MACROD2: variants seen among roughly 807,000 people sequenced by gnomAD.
MACROD2 encodes mono-ADP ribosylhydrolase 2.
In MACROD2, 36 loss-of-function variants were observed where a neutral mutation model predicts 70.4. The ratio of observed to expected loss-of-function variants is 0.51; its 90% CI spans 0.39 to 0.68. MACROD2 has a LOEUF of 0.68. Ranked by LOEUF, MACROD2 falls within the 30% of genes least tolerant of loss-of-function variation. MACROD2 has a pLI of 0.00. For missense variants in MACROD2, 496 were observed against 538.4 expected (o/e 0.92, Z 0.78); for synonymous variants, 172 against 178.8 (o/e 0.96, Z 0.30).
At chr20:15,983,216 A>G (rs1473070088) in intron 13 of MACROD2, among the ~76,000 whole-genome samples, 5 of 152,244 alleles carry the variant, frequency 3.3e-5, no homozygotes, top group African/African-American at 1.2e-4. Flanking sequence ...TTGATCTGGT[A>G]TTCCTTGTGG....
rs73262848 is a variant in MACROD2, at chr20:14,715,699, A to G, written c.418+30740A>G. On this transcript the variant is annotated intron_variant, in intron 5 of 17. Coordinates refer to ENST00000684519, the MANE Select transcript of MACROD2 (RefSeq NM_001351661.2). ...CTCTGAGCCCTGGGAGAACGAAAAC[A>G]GGCCAGGATTACCAGTTTTTACAGA... Among the ~76,000 whole-genome samples, 810 of 152,260 alleles carry G rather than the reference A, an allele frequency of 5.3e-3. 13 individuals carry two copies. The highest frequency in any genetic ancestry group is 0.019 in the African/African-American group (787 of 41,558).
chr20:14,698,997 C>A lies in MACROD2; in HGVS notation c.418+14038C>A, dbSNP rs6135227. Among the ~76,000 whole-genome samples the A allele has an allele frequency of 2.0e-5, 3 of 151,896 alleles. No homozygotes were observed. The East Asian group carries it at 5.8e-4, about 29-fold the overall frequency. On this transcript the variant is annotated intron_variant, in intron 5 of 17. Transcript: ENST00000684519. ...CATATTTCATATTTAATATACCTACCAAGCAAGTTTTAGGTGTGCTGCACA... is the reference window on the plus strand; with the variant it reads ...CATATTTCATATTTAATATACCTACAAAGCAAGTTTTAGGTGTGCTGCACA...
chr20:15,871,206 C>T (rs1222588356), intron 9 of MACROD2, among the ~76,000 whole-genome samples: 2 of 148,210 alleles, frequency 1.3e-5, no homozygotes, highest in Non-Finnish European at 3.0e-5. Context: ...ATAAAATTAA[C>T]ATTTAAAGTT....
At chr20:14,466,505 T>C (rs2084451442) in intron 3 of MACROD2, among the ~76,000 whole-genome samples, 1 of 152,124 alleles carries the variant, frequency 6.6e-6, no homozygotes, top group Non-Finnish European at 1.5e-5. Flanking sequence ...CAAAGTAGTT[T>C]GATCATCTGA....
At chr20:14,325,400 T>C in intron 3 of MACROD2, 1 of 690,830 alleles carries the variant, frequency 1.4e-6, no homozygotes, top group Admixed American at 3.5e-5. Flanking sequence ...AAACTTTTAA[T>C]AAAAAGTTCT....
chr20:14,843,409 G>A (rs2073107502), intron 5 of MACROD2, among the ~76,000 whole-genome samples: 1 of 151,444 alleles, frequency 6.6e-6, no homozygotes, highest in Non-Finnish European at 1.5e-5. Context: ...ACATATCTTG[G>A]GATATGCTCA....
At chr20:14,812,048 A>G (rs74490509) in intron 5 of MACROD2, among the ~76,000 whole-genome samples, 2 of 152,062 alleles carry the variant, frequency 1.3e-5, no homozygotes, top group Non-Finnish European at 2.9e-5. Context: ...AACCAGAAAT[A>G]CCATTTGACC....
intron 5 of MACROD2, among the ~76,000 whole-genome samples, chr20:15,084,121 A>G (rs1478428680): frequency 7.4e-6 from 1 of 134,530 alleles, no homozygotes; most frequent in African/African-American, 2.8e-5. Flanking sequence ...CCTGGAGTGC[A>G]GTGGCGCGAT....
At chr20:15,108,438 G>T (rs1239269038) in intron 5 of MACROD2, among the ~76,000 whole-genome samples, 1 of 152,100 alleles carries the variant, frequency 6.6e-6, no homozygotes, top group East Asian at 1.9e-4. Context: ...TACATATCCT[G>T]TGGATTATTT....
At chr20:14,407,667 G>GACT (rs2083706439) in intron 3 of MACROD2, among the ~76,000 whole-genome samples, 1 of 152,084 alleles carries the variant, frequency 6.6e-6, no homozygotes, top group African/African-American at 2.4e-5. Flanking sequence ...GGCATCAGGT[G>GACT]ACTACATTTA....
intron 4 of MACROD2, among the ~76,000 whole-genome samples, chr20:14,638,029 GT>G (rs200457672): frequency 2.0e-5 from 3 of 150,306 alleles, no homozygotes; most frequent in African/African-American, 2.4e-5. Flanking sequence ...TTCTTTCTGG[GT>G]TTTTTTTTCT....
At chr20:15,269,223 A>G (rs1046487316) in intron 6 of MACROD2, among the ~76,000 whole-genome samples, 5 of 152,244 alleles carry the variant, frequency 3.3e-5, no homozygotes, top group African/African-American at 9.6e-5. Context: ...GAGGCTTCCC[A>G]TGACCCTTCC....
At chr20:14,215,106 CTATTCCATCATAT>C (rs2081605723) in intron 3 of MACROD2, among the ~76,000 whole-genome samples, 1 of 5,150 alleles carries the variant, frequency 1.9e-4, no homozygotes, top group Non-Finnish European at 4.9e-4. Flanking sequence ...TCATATATAT[CTATTCCATCATAT>C]ATATATTCCA....
intron 2 of MACROD2, among the ~76,000 whole-genome samples, chr20:14,020,561 G>A (rs887262929): frequency 1.1e-4 from 16 of 152,188 alleles, no homozygotes; most frequent in African/African-American, 3.4e-4. Context: ...ATGGGCCATT[G>A]TTTTCTCTTT....
At chr20:14,178,850 C>G (rs1451207520) in intron 3 of MACROD2, among the ~76,000 whole-genome samples, 1 of 151,766 alleles carries the variant, frequency 6.6e-6, no homozygotes, top group African/African-American at 2.4e-5. Flanking sequence ...GTAACTTCCC[C>G]CTTTATCTCT....
chr20:14,240,917 T>G (rs2122234562), intron 3 of MACROD2, among the ~76,000 whole-genome samples: 1 of 152,052 alleles, frequency 6.6e-6, no homozygotes, highest in East Asian at 1.9e-4. Context: ...GATCATGAGG[T>G]CAGGAATTCA....
intron 6 of MACROD2, among the ~76,000 whole-genome samples, chr20:15,379,430 G>T (rs2045610650): frequency 6.6e-6 from 1 of 151,298 alleles, no homozygotes; most frequent in Admixed American, 6.6e-5. Flanking sequence ...CATAGTCTTG[G>T]CATTACGTAG....
chr20:16,004,774 G>A (rs2066764939), intron 15 of MACROD2, among the ~76,000 whole-genome samples: 1 of 152,194 alleles, frequency 6.6e-6, no homozygotes, highest in Non-Finnish European at 1.5e-5. Context: ...GCGAGCCATG[G>A]CTCCCTTCTC....
intron 6 of MACROD2, among the ~76,000 whole-genome samples, chr20:15,411,180 A>ACACACACACACACAC (rs1555815604): frequency 6.7e-6 from 1 of 149,248 alleles, no homozygotes. Flanking sequence ...ACACACACAC[A>ACACACACACACACAC]AAGCTGAGAG....
Sources: allele counts gnomAD v4.1 joint callset (sites outside exome capture counted in the v4.1 genomes callset), GRCh38; gene constraint gnomAD v4.1.1; transcripts MANE v1.5; gene names NCBI Gene and HGNC (gene_info 2026-07-23, HGNC 2026-07-21).